Variants in TBXAS1 observed in about 807,000 individuals in gnomAD.
The protein encoded by TBXAS1 is thromboxane A synthase 1, also known as thromboxane-A synthase.
A neutral mutation model predicts 60.7 loss-of-function variants in TBXAS1; 48 were observed. The observed-to-expected ratio is 0.79, with a 90% CI of 0.63 to 1.01. TBXAS1 has a LOEUF of 1.01. Among genes scored for constraint, TBXAS1 ranks in the 50% least tolerant of loss-of-function variants. The pLI is 0.00. For synonymous variants in TBXAS1, 287 were observed against 269.7 expected (o/e 1.06, Z -0.63); for missense variants, 685 against 686.3 (o/e 1.00, Z 0.02).
chr7:139,952,423 TA>T, intron 5 of TBXAS1: 1 of 1,182,744 alleles, frequency 8.5e-7, no homozygotes, highest in Non-Finnish European at 1.1e-6. Flanking sequence ...TCATCAAATC[TA>T]AACATAGGTT....
intron 1 of TBXAS1, among the ~76,000 whole-genome samples, chr7:139,842,463 G>A (rs1482460422): frequency 6.6e-6 from 1 of 152,196 alleles, no homozygotes; most frequent in African/African-American, 2.4e-5. Context: ...CTGAAGGGAA[G>A]TACGCGGTCT....
chr7:139,933,202 G>T (rs1290449874), intron 4 of TBXAS1, among the ~76,000 whole-genome samples: 2 of 152,148 alleles, frequency 1.3e-5, no homozygotes, highest in Non-Finnish European at 2.9e-5. Context: ...AGAAAGATAT[G>T]TGAAGGCCAT....
chr7:139,811,645 A>G (rs192391766), intron 4 of TBXAS1, among the ~76,000 whole-genome samples: 7 of 152,332 alleles, frequency 4.6e-5, no homozygotes, highest in African/African-American at 1.4e-4. Context: ...GACAAAAGGA[A>G]AGGAGTTTTT....
At chr7:139,986,932 G>GGTGGAAATTTGAT (rs1378269429) in intron 9 of TBXAS1, among the ~76,000 whole-genome samples, 1 of 151,882 alleles carries the variant, frequency 6.6e-6, no homozygotes, top group East Asian at 1.9e-4. Flanking sequence ...TGGCTCTCAA[G>GGTGGAAATTTGAT]GTGGAAATTT....
At chr7:139,904,445 A>G (rs1001217785) in intron 3 of TBXAS1, among the ~76,000 whole-genome samples, 2 of 152,050 alleles carry the variant, frequency 1.3e-5, no homozygotes, top group Non-Finnish European at 2.9e-5. Flanking sequence ...TTTTGGTTCC[A>G]TATGCATTTT....
chr7:139,944,013 T>C (rs1299037129), intron 5 of TBXAS1, among the ~76,000 whole-genome samples: 1 of 151,972 alleles, frequency 6.6e-6, no homozygotes, highest in African/African-American at 2.4e-5. Flanking sequence ...TCAGATGAAA[T>C]GTTCAATTTA....
At chr7:139,871,483 T>G (rs756725512) in intron 1 of TBXAS1, among the ~76,000 whole-genome samples, 21 of 152,270 alleles carry the variant, frequency 1.4e-4, no homozygotes, top group Non-Finnish European at 2.6e-4. Flanking sequence ...GTTATCCCTC[T>G]GTTCCTATAA....
chr7:140,009,583 C>T (rs1814375841), intron 10 of TBXAS1, among the ~76,000 whole-genome samples: 1 of 144,324 alleles, frequency 6.9e-6, no homozygotes. Context: ...CCGCCCCACA[C>T]CTTCCCCACA....
intron 9 of TBXAS1, among the ~76,000 whole-genome samples, chr7:139,983,388 G>A (rs913796657): frequency 9.8e-5 from 15 of 152,334 alleles, no homozygotes; most frequent in African/African-American, 3.6e-4. Context: ...TATGAAGTCG[G>A]TAGGGTATCT....
chr7:139,918,404 C>CCCCT (rs1328667218), intron 4 of TBXAS1, among the ~76,000 whole-genome samples: 1 of 152,188 alleles, frequency 6.6e-6, no homozygotes, highest in East Asian at 1.9e-4. Flanking sequence ...AAGGAACAAG[C>CCCCT]CCCTCTTAGG....
At chr7:139,860,059 T>A (rs1213433592) in intron 1 of TBXAS1, among the ~76,000 whole-genome samples, 1 of 152,186 alleles carries the variant, frequency 6.6e-6, no homozygotes, top group Non-Finnish European at 1.5e-5. Context: ...GGCTTGAACC[T>A]GGGAGGTGGA....
Position 139,957,737 on chromosome 7 carries a change from C to T in TBXAS1, c.792C>T (p.Ala264=), listed in dbSNP as rs1375797305. The stretch of plus-strand genomic sequence containing the variant: ...ACAAACTCATTAGGAATGTGATTGC[C>T]TTGCGGGACCAGCAAGCTGCCGAAG... ...FFNKLIRNVI[A]LRDQQAAEER... is the part of the protein sequence containing the mutation. Residue 264 remains alanine, a synonymous_variant, in exon 8 of 13, where the codon GCC becomes GCT. Transcript: ENST00000448866. 13 of 1,614,012 alleles carry T rather than the reference C, an allele frequency of 8.1e-6. No homozygotes were observed. The Admixed American group carries it at 1.0e-4, about 12-fold the overall frequency.
At chr7:139,996,819 C>A (rs1264736537) in intron 9 of TBXAS1, among the ~76,000 whole-genome samples, 3 of 152,226 alleles carry the variant, frequency 2.0e-5, no homozygotes, top group African/African-American at 7.2e-5. Flanking sequence ...TGGGCCCCAG[C>A]ATCAATAGGG....
rs1569524531 is a variant in TBXAS1, at chr7:140,007,163, ATGTACCCGCCAGC to A, written c.1209_1221del (p.Met403IlefsTer25). 1.2e-6 allele frequency: 2 copies of A among 1,613,994 alleles called. No homozygotes were observed. Among genetic ancestry groups the A allele is most frequent in the South Asian group, 2.2e-5 (2 of 91,064 alleles). On this transcript the variant is annotated frameshift_variant, in exon 10 of 13. Transcript: ENST00000448866. LOFTEE classifies it high-confidence loss of function. ...CATGGTGATTGCAGAGACGCTGAGG[ATGTACCCGCCAGC>A]TTTCAGGTGTGTGGTAGCCCCCTCC...
intron 3 of TBXAS1, among the ~76,000 whole-genome samples, chr7:139,877,409 G>T (rs116299049): frequency 0.015 from 2,269 of 152,090 alleles, 31 homozygotes; most frequent in African/African-American, 0.032. Flanking sequence ...TTTTGTTTTT[G>T]TTTTTTGTTG....
At chr7:139,937,085 A>G (rs1303140545) in intron 5 of TBXAS1, among the ~76,000 whole-genome samples, 1 of 152,170 alleles carries the variant, frequency 6.6e-6, no homozygotes, top group African/African-American at 2.4e-5. Flanking sequence ...TGTGTTTTGT[A>G]TCTAAGCCTG....
At chr7:139,895,897 G>A (rs1804055855) in intron 3 of TBXAS1, among the ~76,000 whole-genome samples, 1 of 152,234 alleles carries the variant, frequency 6.6e-6, no homozygotes, top group African/African-American at 2.4e-5. Flanking sequence ...AGGGTGGTAG[G>A]AGTGAAATAG....
intron 3 of TBXAS1, among the ~76,000 whole-genome samples, chr7:139,904,339 G>T (rs1043851051): frequency 1.3e-5 from 2 of 152,114 alleles, no homozygotes; most frequent in Middle Eastern, 6.8e-3. Context: ...TGCTGTTTTG[G>T]TAGCTATGGC....
chr7:139,830,755 T>C (rs533533311), intron 1 of TBXAS1, among the ~76,000 whole-genome samples: 75 of 152,296 alleles, frequency 4.9e-4, no homozygotes, highest in African/African-American at 1.7e-3. Context: ...CTATCATCTA[T>C]GTAACCTAAA....
Sources: gnomAD v4.1 joint callset for allele counts (sites outside exome capture counted in the v4.1 genomes callset) on GRCh38, gnomAD v4.1.1 for gene constraint, MANE v1.5 for transcripts, NCBI Gene and HGNC (gene_info 2026-07-23, HGNC 2026-07-21) for gene names.